The following SUPT3H variants were observed in gnomAD, a reference collection of about 807,000 sequenced individuals.
SUPT3H encodes transcription initiation protein SPT3 homolog.
In SUPT3H, 44 loss-of-function variants were observed where a neutral mutation model predicts 44.3. That is an observed-to-expected ratio of 0.99 (90% confidence interval 0.78 to 1.28). The LOEUF (loss-of-function observed/expected upper bound fraction) is 1.28. Among genes scored for constraint, SUPT3H ranks in the 50% most tolerant of loss-of-function variants. The probability of loss-of-function intolerance (pLI) is 0.00; values close to 1 mark genes in which losing one functional copy is unlikely to be tolerated. For missense variants in SUPT3H, 380 were observed against 387.1 expected, an observed-to-expected ratio of 0.98 and a Z score of 0.15; for synonymous variants, 124 against 125.6, an observed-to-expected ratio of 0.99 and a Z score of 0.09.
At chr6:45,220,993 A>G (rs1186346759) in intron 2 of SUPT3H, among the ~76,000 whole-genome samples, 3 of 152,238 alleles carry the variant, frequency 2.0e-5, no homozygotes, top group Admixed American at 2.0e-4. Flanking sequence ...TCAATGATAG[A>G]CTGGATTAAG....
intron 9 of SUPT3H, among the ~76,000 whole-genome samples, chr6:44,943,879 T>A (rs914826047): frequency 9.9e-5 from 15 of 152,018 alleles, no homozygotes; most frequent in African/African-American, 3.6e-4. Context: ...CTACAACAAA[T>A]GTTAAACAAA....
chr6:45,091,595 T>G (rs1347285042), intron 3 of SUPT3H, among the ~76,000 whole-genome samples: 1 of 152,122 alleles, frequency 6.6e-6, no homozygotes, highest in Non-Finnish European at 1.5e-5. Context: ...AATCTTTCTG[T>G]TCTTCAGTTT....
intron 1 of SUPT3H, among the ~76,000 whole-genome samples, chr6:45,371,591 T>C (rs1397932312): frequency 2.0e-5 from 3 of 152,210 alleles, no homozygotes; most frequent in Non-Finnish European, 4.4e-5. Context: ...GCTTTAGTTT[T>C]TTCATTAGTA....
Position 45,283,397 on chromosome 6 carries a change from C to T in SUPT3H, c.101+81804G>A, listed in dbSNP as rs185607674. Among the ~76,000 whole-genome samples, 353 of 152,052 alleles carry T rather than the reference C, an allele frequency of 2.3e-3. 1 individual carries two copies. Among genetic ancestry groups the T allele is most frequent in the African/African-American group, 7.8e-3 (322 of 41,462 alleles). On this transcript the variant is annotated intron_variant, in intron 2 of 10. Transcript: ENST00000371459. ...AATAAAGGGATGGAGGAAGATCTAC[C>T]AAGCAAATGGAAAACAAAAAAAGGC...
intron 2 of SUPT3H, among the ~76,000 whole-genome samples, chr6:45,145,051 A>G (rs1001373540): frequency 6.6e-6 from 1 of 152,176 alleles, no homozygotes; most frequent in South Asian, 2.1e-4. Context: ...TCCCATGCTC[A>G]TGGATGGGGA....
intron 3 of SUPT3H, among the ~76,000 whole-genome samples, chr6:45,058,282 C>T (rs1449967898): frequency 6.6e-6 from 1 of 152,052 alleles, no homozygotes; most frequent in Non-Finnish European, 1.5e-5. Context: ...ACATTTTTGG[C>T]AGTTTAGCAA....
intron 2 of SUPT3H, among the ~76,000 whole-genome samples, chr6:45,132,308 C>G (rs922484736): frequency 6.6e-5 from 10 of 152,182 alleles, no homozygotes; most frequent in African/African-American, 2.2e-4. Flanking sequence ...CCCATCAACC[C>G]TGGTACATAA....
intron 2 of SUPT3H, among the ~76,000 whole-genome samples, chr6:45,261,137 T>C (rs894512496): frequency 6.6e-6 from 1 of 150,428 alleles, no homozygotes; most frequent in Non-Finnish European, 1.5e-5. Context: ...CTACTAGACA[T>C]ACAAAGAAGA....
chr6:45,187,508 T>C (rs557131695), intron 2 of SUPT3H, among the ~76,000 whole-genome samples: 1 of 152,204 alleles, frequency 6.6e-6, no homozygotes, highest in Non-Finnish European at 1.5e-5. Context: ...ACTCCTATTA[T>C]ATAAATGTAT....
At chr6:45,115,662 A>G (rs1800738902) in intron 2 of SUPT3H, among the ~76,000 whole-genome samples, 1 of 152,216 alleles carries the variant, frequency 6.6e-6, no homozygotes, top group South Asian at 2.1e-4. Flanking sequence ...AATGCAACCT[A>G]AGATTTTAGA....
intron 6 of SUPT3H, among the ~76,000 whole-genome samples, chr6:44,987,331 C>A (rs1012242835): frequency 6.6e-6 from 1 of 151,782 alleles, no homozygotes; most frequent in South Asian, 2.1e-4. Context: ...TCCATAGCCC[C>A]TTTTTATGGG....
At chr6:45,342,189 A>G (rs1763803994) in intron 2 of SUPT3H, among the ~76,000 whole-genome samples, 1 of 152,144 alleles carries the variant, frequency 6.6e-6, no homozygotes, top group South Asian at 2.1e-4. Context: ...TTTATTATAA[A>G]TAGAATGAGT....
chr6:45,166,755 C>A (rs1351620630), intron 2 of SUPT3H, among the ~76,000 whole-genome samples: 1 of 152,064 alleles, frequency 6.6e-6, no homozygotes, highest in African/African-American at 2.4e-5. Flanking sequence ...ATCTGAATGG[C>A]TAAGAGGGAC....
intron 10 of SUPT3H, among the ~76,000 whole-genome samples, chr6:44,913,635 A>G (rs988406667): frequency 2.6e-5 from 4 of 152,186 alleles, no homozygotes; most frequent in Non-Finnish European, 4.4e-5. Context: ...ATAAAAATGT[A>G]TAATAAAAAT....
chr6:45,196,105 T>C (rs1815968769), intron 2 of SUPT3H, among the ~76,000 whole-genome samples: 1 of 152,206 alleles, frequency 6.6e-6, no homozygotes, highest in Middle Eastern at 3.4e-3. Context: ...TTATCCAATC[T>C]ACCATAGATA....
intron 3 of SUPT3H, among the ~76,000 whole-genome samples, chr6:45,039,831 T>C (rs1788248693): frequency 8.8e-6 from 1 of 113,042 alleles, no homozygotes; most frequent in African/African-American, 3.6e-5. Flanking sequence ...AAAAACCCTC[T>C]GACCTAATCA....
intron 2 of SUPT3H, among the ~76,000 whole-genome samples, chr6:45,252,854 GA>G (rs1562797558): frequency 6.6e-6 from 1 of 152,112 alleles, no homozygotes; most frequent in African/African-American, 2.4e-5. Context: ...CAGAACACAA[GA>G]AAAAACCCAA....
chr6:45,352,834 T>C (rs1219611430), intron 2 of SUPT3H, among the ~76,000 whole-genome samples: 1 of 152,114 alleles, frequency 6.6e-6, no homozygotes, highest in Non-Finnish European at 1.5e-5. Context: ...TATATATAAT[T>C]CTATTAGTCA....
intron 2 of SUPT3H, among the ~76,000 whole-genome samples, chr6:45,291,019 C>T (rs974130490): frequency 1.3e-5 from 2 of 152,182 alleles, no homozygotes; most frequent in African/African-American, 4.8e-5. Context: ...AAAGGACCCA[C>T]AGACCCCCTG....
Sources: gnomAD v4.1 joint callset for allele counts (sites outside exome capture counted in the v4.1 genomes callset) on GRCh38, gnomAD v4.1.1 for gene constraint, MANE v1.5 for transcripts, NCBI Gene and HGNC (gene_info 2026-07-23, HGNC 2026-07-21) for gene names.